Variants in L3MBTL1 observed in about 807,000 individuals in gnomAD.
L3MBTL1 encodes lethal(3)malignant brain tumor-like protein 1.
In L3MBTL1, 75 loss-of-function variants were observed where a neutral mutation model predicts 105.3. The observed-to-expected ratio is 0.71, with a 90% CI of 0.59 to 0.86. The LOEUF is 0.86. Ranked by LOEUF, L3MBTL1 falls within the 40% of genes least tolerant of loss-of-function variation. L3MBTL1 has a pLI of 0.00. For synonymous variants in L3MBTL1, 452 were observed against 436.2 expected, an observed-to-expected ratio of 1.04 and a Z score of -0.45; for missense variants, 1,069 against 1,126.4, an observed-to-expected ratio of 0.95 and a Z score of 0.73.
chr20:43,513,851 C>T lies in L3MBTL1; in HGVS notation c.150C>T (p.Thr50=), dbSNP rs1321323192. 1.9e-6 allele frequency: 3 copies of T among 1,550,536 alleles called. No individual in the cohort carries two copies. The highest frequency in any genetic ancestry group is 1.7e-6 in the Non-Finnish European group (2 of 1,147,000). The change falls in exon 3 of 22, where the codon ACC becomes ACT. Residue 50 remains threonine (T), a synonymous_variant. Transcript: ENST00000418998. ...ATCTGTTTACAGCCAGTTCGGCCAC[C>T]CTCGGCCTGCCCAGCAGTGCCCTGG... ...TAFIIPASSA[T]LGLPSSALDV... is the part of the protein sequence containing the mutation.
At chr20:43,542,437 G>A (rs1007340708), downstream of L3MBTL1, among the ~76,000 whole-genome samples, 7 of 152,090 alleles carry the variant, frequency 4.6e-5, no homozygotes, top group South Asian at 2.1e-4. Context: ...AGAACACACC[G>A]GGGTGCTGCT....
At chr20:43,527,022 A>T (rs1262732517) in intron 7 of L3MBTL1, among the ~76,000 whole-genome samples, 1 of 152,186 alleles carries the variant, frequency 6.6e-6, no homozygotes. Flanking sequence ...GGGAAAAAGC[A>T]TCTTCCTGAG....
chr20:43,531,156 TA>T (rs2019316717), intron 11 of L3MBTL1: 1 of 451,138 alleles, frequency 2.2e-6, no homozygotes, highest in Admixed American at 4.0e-5. Context: ...CCTGGCCCAC[TA>T]CCCTAGTCTG....
chr20:43,515,010 G>C lies in L3MBTL1; in HGVS notation c.504G>C (p.Glu168Asp). The change falls in exon 5 of 22, where the codon GAG becomes GAC. Residue 168 changes from glutamate to aspartate, a missense_variant and splice_region_variant. By Grantham distance (45) the Glu-to-Asp change is conservative (BLOSUM62 2). Transcript: ENST00000418998. The stretch of plus-strand genomic sequence containing the variant: ...CTGAGGCCCATTTGGCCCCCGCAGA[G>C]GACCACCCCCAGAATCCTCCAGAAG... ...GDGEAGPQQA[E>D]DHPQNPPEDP... The C allele has an allele frequency of 1.9e-6, 3 of 1,613,672 alleles. No homozygotes were observed. Among genetic ancestry groups the C allele is most frequent in the Non-Finnish European group, 2.5e-6 (3 of 1,179,694 alleles).
exon 19 of L3MBTL1, chr20:43,550,899 G>A (rs1015145704): frequency 6.6e-6 from 1 of 152,212 alleles, no homozygotes. Context: ...ACAAAATGTG[G>A]TGTGATCTGT....
chr20:43,528,256 C>T (rs1373885020), intron 7 of L3MBTL1, among the ~76,000 whole-genome samples: 2 of 152,196 alleles, frequency 1.3e-5, no homozygotes, highest in Non-Finnish European at 2.9e-5. Flanking sequence ...TCTCATTTCT[C>T]TTTTTCCTCT....
chr20:43,511,059 T>C (rs568528354), intron 1 of L3MBTL1, among the ~76,000 whole-genome samples: 72 of 151,702 alleles, frequency 4.7e-4, no homozygotes, highest in Non-Finnish European at 8.1e-4. Context: ...TGGTTTTTGG[T>C]TTTTGAGATG....
rs530932685 is a variant in L3MBTL1 at position 43,508,978 on chromosome 20, A to G, written c.-29+1234A>G. ...TGAGGTAGCTCCCTAGGCTCAGAGC[A>G]GTTCCAAGAGAGGCTGACGGCAGAA... On this transcript the variant is annotated intron_variant, in intron 1 of 21. Coordinates refer to ENST00000418998, the MANE Select transcript of L3MBTL1 (RefSeq NM_001377303.1). Among the ~76,000 whole-genome samples, 144 of 152,318 alleles carry G rather than the reference A, an allele frequency of 9.5e-4. 1 individual carries two copies. The highest frequency in any genetic ancestry group is 3.2e-3 in the African/African-American group (131 of 41,576).
chr20:43,530,595 C>G (rs1460159724), intron 10 of L3MBTL1, 176 bp downstream of exon 10: 1 of 787,618 alleles, frequency 1.3e-6, no homozygotes, highest in African/African-American at 1.7e-5. Context: ...TGACCAGAAG[C>G]CCTAGAACTT....
At chr20:43,529,484 A>G in intron 9 of L3MBTL1, 116 bp downstream of exon 9, 1 of 734,604 alleles carries the variant, frequency 1.4e-6, no homozygotes, top group Non-Finnish European at 2.4e-6. Context: ...ACAATCTAGT[A>G]GTGGATGAAG....
chr20:43,514,788 G>T lies in L3MBTL1; in HGVS notation c.502+12G>T, dbSNP rs904234635. Reference sequence around the variant, plus strand: ...CCCCCAACAGGCGGGTAGGAGCCCCGCTCCCCAGGCCCTGAGCTGGGCCCT... The same window carrying T: ...CCCCCAACAGGCGGGTAGGAGCCCCTCTCCCCAGGCCCTGAGCTGGGCCCT... On this transcript the variant is annotated intron_variant, in intron 4 of 21. Transcript: ENST00000418998. 6.5e-7 allele frequency: 1 copy of T among 1,539,656 alleles called. No homozygotes were observed. The highest frequency in any genetic ancestry group is 1.4e-5 in the African/African-American group (1 of 73,050).
intron 7 of L3MBTL1, among the ~76,000 whole-genome samples, chr20:43,521,673 A>G (rs2018710283): frequency 6.6e-6 from 1 of 152,236 alleles, no homozygotes; most frequent in Admixed American, 6.5e-5. Context: ...AAAGGAATTC[A>G]TCAAAAGGGC....
chr20:43,539,910 G>C, intron 19 of L3MBTL1: 1 of 602,542 alleles, frequency 1.7e-6, no homozygotes, highest in Non-Finnish European at 3.0e-6. Context: ...GAGACGGGGT[G>C]AGGGTCATTC....
intron 8 of L3MBTL1, 76 bp from the exon 9 acceptor site, chr20:43,529,188 C>A (rs959855425): frequency 1.8e-6 from 2 of 1,125,932 alleles, no homozygotes; most frequent in Non-Finnish European, 2.6e-6. Context: ...CTAAAGGCAG[C>A]TCCTTCACCC....
At chr20:43,521,139 A>G (rs1334174521) in intron 7 of L3MBTL1, among the ~76,000 whole-genome samples, 1 of 152,204 alleles carries the variant, frequency 6.6e-6, no homozygotes, top group Non-Finnish European at 1.5e-5. Context: ...AAAATGAACT[A>G]ATTATGAATT....
rs779360451 is a variant in L3MBTL1, at chr20:43,528,758, A to G, written c.951+13A>G. ...CCTCTTCCAGGACGTGAGTTGGACA[A>G]TTTCCCCGTAGGAACAGCTTGTCTT... On this transcript the variant is annotated intron_variant, in intron 8 of 21. Coordinates refer to ENST00000418998, the MANE Select transcript of L3MBTL1 (RefSeq NM_001377303.1). 2.5e-6 allele frequency: 4 copies of G among 1,600,192 alleles called. No individual in the cohort carries two copies. The highest frequency in any genetic ancestry group is 1.7e-5 in the Admixed American group (1 of 60,006).
intron 19 of L3MBTL1, among the ~76,000 whole-genome samples, chr20:43,538,254 A>G (rs1262585171): frequency 1.3e-5 from 2 of 152,176 alleles, no homozygotes; most frequent in Admixed American, 6.5e-5. Context: ...CTGCAGGACC[A>G]AGTTCTGACC....
intron 11 of L3MBTL1, chr20:43,531,108 C>T: frequency 1.8e-6 from 1 of 562,364 alleles, no homozygotes; most frequent in South Asian, 2.2e-5. Flanking sequence ...CCCTCCTTTG[C>T]TACTGCAGAT....
intron 18 of L3MBTL1, among the ~76,000 whole-genome samples, chr20:43,547,719 G>A (rs1480981080): frequency 6.6e-6 from 1 of 152,170 alleles, no homozygotes; most frequent in Non-Finnish European, 1.5e-5. Flanking sequence ...CACTAAGGTT[G>A]ACCAATGAGG....
Sources: allele counts gnomAD v4.1 joint callset (sites outside exome capture counted in the v4.1 genomes callset), GRCh38; gene constraint gnomAD v4.1.1; transcripts MANE v1.5; gene names NCBI Gene and HGNC (gene_info 2026-07-23, HGNC 2026-07-21).